Variants in CEP120 observed in about 807,000 individuals in gnomAD.
CEP120 encodes centrosomal protein 120.
CEP120 carries 113 observed loss-of-function variants against 126.5 expected under a neutral mutation model. The ratio of observed to expected loss-of-function variants is 0.89; its 90% CI spans 0.77 to 1.04. The LOEUF is 1.04. Ranked by LOEUF, CEP120 falls within the 50% of genes least tolerant of loss-of-function variation. CEP120 has a pLI of 0.00. For synonymous variants in CEP120, 400 were observed against 394.3 expected (o/e 1.01, Z -0.17); for missense variants, 1,230 against 1,155.7 (o/e 1.06, Z -0.93).
chr5:123,401,604 A>G, intron 4 of CEP120: 1 of 1,414,092 alleles, frequency 7.1e-7, no homozygotes, highest in Non-Finnish European at 1.0e-6. Context: ...TTGTCCATGG[A>G]CAGCACCACA....
intron 4 of CEP120, among the ~76,000 whole-genome samples, chr5:123,405,468 T>G (rs927091013): frequency 6.6e-6 from 1 of 152,184 alleles, no homozygotes; most frequent in African/African-American, 2.4e-5. Flanking sequence ...GAGAAACTAT[T>G]TGCCAGAGCC....
intron 16 of CEP120, among the ~76,000 whole-genome samples, chr5:123,373,029 C>CTCAAATG (rs1388897189): frequency 6.6e-6 from 1 of 151,984 alleles, no homozygotes; most frequent in Non-Finnish European, 1.5e-5. Context: ...TTTGGTAAAA[C>CTCAAATG]TCAAATGTCA....
intron 16 of CEP120, among the ~76,000 whole-genome samples, chr5:123,373,624 G>A (rs1161290604): frequency 6.6e-6 from 1 of 152,064 alleles, no homozygotes; most frequent in Non-Finnish European, 1.5e-5. Context: ...ACAGGATTCT[G>A]GGATACAGAT....
At chr5:123,395,681 C>CTT (rs369612860) in intron 5 of CEP120, among the ~76,000 whole-genome samples, 12 of 127,402 alleles carry the variant, frequency 9.4e-5, no homozygotes, top group East Asian at 2.3e-4. Context: ...TACTTCATTC[C>CTT]TTTTTTTTTT....
chr5:123,404,165 T>TAA, intron 4 of CEP120, among the ~76,000 whole-genome samples: 1 of 151,536 alleles, frequency 6.6e-6, no homozygotes. Flanking sequence ...ATATTCTTCT[T>TAA]CATATTTCCA....
chr5:123,422,357 G>A, intron 1 of CEP120: 5 of 708,324 alleles, frequency 7.1e-6, no homozygotes. Flanking sequence ...CACTCTCCTT[G>A]CTACATCCTT....
chr5:123,368,767 A>G (rs1240773910), intron 17 of CEP120, among the ~76,000 whole-genome samples: 1 of 151,978 alleles, frequency 6.6e-6, no homozygotes, highest in Non-Finnish European at 1.5e-5. Context: ...TCATGCTTCT[A>G]TAAATGTACA....
At chr5:123,416,253 T>TA (rs1310583991) in intron 2 of CEP120, 129 bp from the exon 3 acceptor site, 2 of 619,038 alleles carry the variant, frequency 3.2e-6, no homozygotes, top group East Asian at 5.7e-5. Flanking sequence ...TTACATTGTC[T>TA]AAAAAACTCT....
intron 4 of CEP120, chr5:123,400,788 C>T (rs1028299389): frequency 3.7e-5 from 26 of 704,300 alleles, no homozygotes; most frequent in Non-Finnish European, 5.1e-5. Context: ...AACTCCCCCG[C>T]GGGTGGACTG....
intron 3 of CEP120, among the ~76,000 whole-genome samples, chr5:123,413,924 TTC>T (rs1398331640): frequency 3.3e-5 from 5 of 152,238 alleles, no homozygotes; most frequent in African/African-American, 1.2e-4. Flanking sequence ...CTGGATTTTT[TTC>T]TGTTTATATT....
intron 16 of CEP120, among the ~76,000 whole-genome samples, chr5:123,373,037 T>C (rs986004541): frequency 4.6e-5 from 7 of 152,102 alleles, no homozygotes; most frequent in African/African-American, 1.7e-4. Flanking sequence ...AACTCAAATG[T>C]CAAATGTAAA....
intron 17 of CEP120, among the ~76,000 whole-genome samples, chr5:123,366,165 T>C (rs1386638988): frequency 1.3e-5 from 2 of 151,814 alleles, no homozygotes; most frequent in African/African-American, 4.8e-5. Context: ...CTTATTTTTT[T>C]TAAGATATAG....
Position 123,423,326 on chromosome 5 carries a change from AGCGGCCGCC to A in CEP120, c.-337_-329del, listed in dbSNP as rs907974435. 19 of 344,644 alleles carry A rather than the reference AGCGGCCGCC, an allele frequency of 5.5e-5. No homozygotes were observed. Among genetic ancestry groups the A allele is most frequent in the Non-Finnish European group, 9.1e-5 (17 of 187,780 alleles). 21.3% of individuals were successfully genotyped at this position (344,644 alleles called of 1,614,324 possible). A position where few individuals can be genotyped will look rare whatever the true frequency, so the allele number is the denominator to read the frequency against. Reference sequence around the variant, plus strand: ...GCTTTTCAAACGCCCGGGCGGCCGCAGCGGCCGCCGCCGCGCCCAGCTTCCGCCTAGCAA... The same window carrying A: ...GCTTTTCAAACGCCCGGGCGGCCGCAGCCGCGCCCAGCTTCCGCCTAGCAA... On this transcript the variant is annotated 5_prime_UTR_variant, in exon 1 of 20. Coordinates refer to ENST00000306467, the MANE Select transcript of CEP120 (RefSeq NM_001375405.1).
intron 1 of CEP120, among the ~76,000 whole-genome samples, chr5:123,421,852 T>C (rs1328003959): frequency 6.6e-6 from 1 of 152,226 alleles, no homozygotes; most frequent in African/African-American, 2.4e-5. Flanking sequence ...CAAATCTTTA[T>C]GGCTTTTCTG....
Position 123,418,466 on chromosome 5 carries a change from C to T in CEP120, c.99G>A (p.Lys33=), listed in dbSNP as rs1774509396. Residue 33 remains lysine, a synonymous_variant, in exon 2 of 20, where the codon AAG becomes AAA. Coordinates refer to ENST00000306467, the MANE Select transcript of CEP120 (RefSeq NM_001375405.1). ...RPKHMLVVEA[K]FDGEQLATDP... ...CAGTAGCCAACTGTTCTCCATCAAA[C>T]TTTGCTTCCACTACAAGCATATGCT... 3 of 1,611,672 alleles carry T rather than the reference C, an allele frequency of 1.9e-6. No homozygotes were observed. Among genetic ancestry groups the T allele is most frequent in the Non-Finnish European group, 2.5e-6 (3 of 1,178,304 alleles).
chr5:123,372,509 C>T (rs1419470626), intron 17 of CEP120, 141 bp downstream of exon 17: 4 of 815,208 alleles, frequency 4.9e-6, no homozygotes, highest in Admixed American at 2.6e-5. Context: ...AATAATGTCA[C>T]GTGCCTTTAA....
Position 123,386,676 on chromosome 5 carries a change from TAAAAAAAAAAA to T in CEP120, c.1431-20_1431-10del. The T allele has an allele frequency of 3.3e-6, 2 of 608,862 alleles. No homozygotes were observed. The highest frequency in any genetic ancestry group is 4.3e-6 in the Non-Finnish European group (2 of 466,824). 37.7% of individuals were successfully genotyped at this position (608,862 alleles called of 1,614,324 possible). On this transcript the variant is annotated splice_polypyrimidine_tract_variant and intron_variant, in intron 9 of 19. Coordinates refer to ENST00000306467, the MANE Select transcript of CEP120 (RefSeq NM_001375405.1). ...AGAATGGATATGAGTACCTAGAATT[TAAAAAAAAAAA>T]AAAAAAAAAAAGCCTTAATGATATG...
intron 18 of CEP120, among the ~76,000 whole-genome samples, chr5:123,350,339 G>A (rs1436857039): frequency 1.3e-5 from 2 of 152,008 alleles, no homozygotes; most frequent in South Asian, 2.1e-4. Flanking sequence ...TCGGCCTCTG[G>A]GCCCAAGTAG....
At chr5:123,416,920 TAACAGTG>T (rs1774426453) in intron 2 of CEP120, among the ~76,000 whole-genome samples, 1 of 152,142 alleles carries the variant, frequency 6.6e-6, no homozygotes, top group East Asian at 1.9e-4. Context: ...ATATAACACA[TAACAGTG>T]TTCTGAAAGA....
Sources: gnomAD v4.1 joint callset for allele counts (sites outside exome capture counted in the v4.1 genomes callset) on GRCh38, gnomAD v4.1.1 for gene constraint, MANE v1.5 for transcripts, NCBI Gene and HGNC (gene_info 2026-07-23, HGNC 2026-07-21) for gene names.